STK32C: variants seen among roughly 807,000 people sequenced by gnomAD.
The protein encoded by STK32C is serine/threonine kinase 32C, also known as serine/threonine-protein kinase 32C.
In STK32C, 31 loss-of-function variants were observed where a neutral mutation model predicts 56.5. The observed-to-expected ratio is 0.55, with a 90% CI of 0.41 to 0.74. The LOEUF is 0.74. STK32C is among the 30% of genes least tolerant of loss of function. STK32C has a pLI of 0.00. For missense variants in STK32C, 544 were observed against 676.9 expected (o/e 0.80, Z 2.18); for synonymous variants, 309 against 289.4 (o/e 1.07, Z -0.69).
At chr10:132,253,479 C>CGAGGGAGCTG (rs2063984492) in intron 1 of STK32C, among the ~76,000 whole-genome samples, 1 of 97,924 alleles carries the variant, frequency 1.0e-5, no homozygotes, top group Non-Finnish European at 2.0e-5. Flanking sequence ...TGGAGGGAGT[C>CGAGGGAGCTG]GAGGGAGCTG....
intron 8 of STK32C, among the ~76,000 whole-genome samples, chr10:132,223,507 G>A (rs572858075): frequency 3.6e-4 from 55 of 152,366 alleles, no homozygotes; most frequent in African/African-American, 1.3e-3. Context: ...TCCCAGACCT[G>A]GGCTTGGGCG....
At chr10:132,209,241 C>G in intron 10 of STK32C, 140 bp from the exon 11 acceptor site, 1 of 786,056 alleles carries the variant, frequency 1.3e-6, no homozygotes, top group Non-Finnish European at 2.2e-6. Context: ...TGAAGTGCCC[C>G]GGCCCTCCAG....
chr10:132,219,879 C>T (rs558504521), intron 10 of STK32C, among the ~76,000 whole-genome samples: 3 of 152,226 alleles, frequency 2.0e-5, no homozygotes, highest in Admixed American at 6.5e-5. Context: ...GGAGGCTGCA[C>T]GGGGGCTGAG....
intron 1 of STK32C, among the ~76,000 whole-genome samples, chr10:132,270,072 G>A (rs1022808019): frequency 7.9e-5 from 12 of 152,236 alleles, no homozygotes; most frequent in Admixed American, 7.8e-4. Flanking sequence ...CCCTCAACCT[G>A]TGGCAGGGGA....
At chr10:132,237,401 C>T (rs753329255) in intron 2 of STK32C, among the ~76,000 whole-genome samples, 3 of 152,254 alleles carry the variant, frequency 2.0e-5, no homozygotes, top group Non-Finnish European at 4.4e-5. Flanking sequence ...GAAAGTTCTC[C>T]TCCTCCTCCT....
chr10:132,245,737 C>A (rs1389251250), intron 2 of STK32C, among the ~76,000 whole-genome samples, 163 bp downstream of exon 2: 2 of 152,242 alleles, frequency 1.3e-5, no homozygotes, highest in African/African-American at 4.8e-5. Flanking sequence ...GCCTCCGTGG[C>A]AGGAGTGCCC....
intron 1 of STK32C, among the ~76,000 whole-genome samples, chr10:132,284,166 C>T (rs915516226): frequency 2.0e-5 from 3 of 151,688 alleles, no homozygotes; most frequent in Non-Finnish European, 2.9e-5. Context: ...CCACAAGCCC[C>T]GCATCCACCC....
intron 10 of STK32C, chr10:132,209,306 G>A (rs573416449): frequency 4.2e-6 from 3 of 709,938 alleles, no homozygotes; most frequent in East Asian, 2.6e-5. Context: ...CAAGCCCGAG[G>A]ATGCCAAGGC....
In STK32C at chr10:132,237,715, A is replaced by G. The variant is rs189435860; in HGVS notation, c.318+8185T>C. 1.5e-3 allele frequency among the ~76,000 whole-genome samples: 231 copies of G among 151,480 alleles called. 2 individuals carry two copies. The highest frequency in any genetic ancestry group is 3.0e-3 in the Admixed American group (45 of 15,238). On this transcript the variant is annotated intron_variant, in intron 2 of 11. Transcript: ENST00000298630. ...GTGCAGCTTCACCCCTCTTCCCCCA[A>G]GTGTGTGCCGGCGGGGCTGGCCCGG...
Position 132,302,504 on chromosome 10 carries a change from C to T in STK32C, c.262+5068G>A, listed in dbSNP as rs368420276. On this transcript the variant is annotated intron_variant, in intron 1 of 11. Coordinates refer to ENST00000298630, the MANE Select transcript of STK32C (RefSeq NM_173575.4). ...GGGGAAGCCAGGAGCAAACATGTGA[C>T]GGGGTGCCCGGCAGGAGGCCAGGAC... Among the ~76,000 whole-genome samples the T allele has an allele frequency of 4.6e-5, 7 of 152,282 alleles. No homozygotes were observed. The South Asian group carries it at 6.2e-4, about 14-fold the overall frequency.
At chr10:132,234,284 G>A (rs1038416181) in intron 2 of STK32C, among the ~76,000 whole-genome samples, 2 of 152,204 alleles carry the variant, frequency 1.3e-5, no homozygotes, top group African/African-American at 2.4e-5. Flanking sequence ...CTCTGCCGCT[G>A]TTTCTCCCTT....
chr10:132,227,921 G>A, intron 3 of STK32C, 56 bp downstream of exon 3: 1 of 1,589,440 alleles, frequency 6.3e-7, no homozygotes. Flanking sequence ...GATAGCCAGT[G>A]CCTTCCCGGC....
intron 1 of STK32C, among the ~76,000 whole-genome samples, chr10:132,301,640 C>T (rs1035496691): frequency 2.0e-5 from 3 of 152,196 alleles, no homozygotes; most frequent in Non-Finnish European, 2.9e-5. Flanking sequence ...AGACAGATGC[C>T]GCATCCCAGT....
intron 1 of STK32C, among the ~76,000 whole-genome samples, chr10:132,283,128 C>T (rs529510814): frequency 3.6e-4 from 55 of 152,234 alleles, no homozygotes; most frequent in Non-Finnish European, 6.3e-4. Flanking sequence ...CTCAGGGCCA[C>T]GATGGCCAAG....
At chr10:132,239,585 G>A (rs1033519251) in intron 2 of STK32C, among the ~76,000 whole-genome samples, 3 of 152,252 alleles carry the variant, frequency 2.0e-5, no homozygotes, top group African/African-American at 4.8e-5. Context: ...CAGTGGGCTG[G>A]TGAGGAAACC....
Position 132,222,841 on chromosome 10 carries a change from T to G in STK32C, c.1119+20A>C, listed in dbSNP as rs2062731787. On this transcript the variant is annotated intron_variant, in intron 9 of 11. Transcript: ENST00000298630. Reference sequence around the variant, plus strand: ...ACATCCATCCCCAGGGCCCCCCACCTGAGCCGCCCACAGGCTTACGTTGGG... The same window carrying G: ...ACATCCATCCCCAGGGCCCCCCACCGGAGCCGCCCACAGGCTTACGTTGGG... 6.3e-7 allele frequency: 1 copy of G among 1,590,054 alleles called. No homozygotes were observed. Among genetic ancestry groups the G allele is most frequent in the Non-Finnish European group, 8.5e-7 (1 of 1,169,628 alleles).
intron 1 of STK32C, among the ~76,000 whole-genome samples, chr10:132,329,780 C>T (rs560553909): frequency 5.3e-5 from 8 of 152,214 alleles, no homozygotes; most frequent in South Asian, 2.1e-4. Flanking sequence ...GACAGATGGC[C>T]GGGAAGGGCT....
rs2066352072 is a variant in STK32C, at chr10:132,318,719, A to G, written c.301+12717T>C. On this transcript the variant is annotated intron_variant, in intron 1 of 3. Transcript: ENST00000368620. ...GATACACATGTAAAATGTGATAAAC[A>G]TTATGAGTCACTGGGCAAATAAAAT... Among the ~76,000 whole-genome samples, 2 of 152,184 alleles carry G rather than the reference A, an allele frequency of 1.3e-5. 1 individual carries two copies. The highest frequency in any genetic ancestry group is 4.1e-4 in the South Asian group (2 of 4,832).
At chr10:132,290,398 C>T (rs559589363) in intron 1 of STK32C, among the ~76,000 whole-genome samples, 2 of 152,338 alleles carry the variant, frequency 1.3e-5, no homozygotes, top group South Asian at 2.1e-4. Context: ...GAACATAACC[C>T]GGCCCCTGCC....
Sources: gnomAD v4.1 joint callset for allele counts (sites outside exome capture counted in the v4.1 genomes callset) on GRCh38, gnomAD v4.1.1 for gene constraint, MANE v1.5 for transcripts, NCBI Gene and HGNC (gene_info 2026-07-23, HGNC 2026-07-21) for gene names.